The following OSBPL1A variants were observed in gnomAD, a reference collection of about 807,000 sequenced individuals.
OSBPL1A encodes oxysterol binding protein like 1A.
In OSBPL1A, 80 loss-of-function variants were observed where a neutral mutation model predicts 137.1. That is an observed-to-expected ratio of 0.58 (90% confidence interval 0.49 to 0.70). The LOEUF (loss-of-function observed/expected upper bound fraction) is 0.70, where lower values mean the gene tolerates loss of function less well. OSBPL1A is among the 30% of genes least tolerant of loss of function. OSBPL1A has a pLI of 0.00. For synonymous variants in OSBPL1A, 365 were observed against 389.7 expected (o/e 0.94, Z 0.75); for missense variants, 970 against 1,129.4 (o/e 0.86, Z 2.02).
intron 17 of OSBPL1A, among the ~76,000 whole-genome samples, chr18:24,220,129 G>GTGTC (rs1159448210): frequency 6.6e-6 from 1 of 152,204 alleles, no homozygotes; most frequent in Non-Finnish European, 1.5e-5. Context: ...TCTGTTCCAG[G>GTGTC]TGTCCAATCT....
At chr18:24,182,722 C>T (rs946192899) in intron 18 of OSBPL1A, among the ~76,000 whole-genome samples, 1 of 152,052 alleles carries the variant, frequency 6.6e-6, no homozygotes, top group Non-Finnish European at 1.5e-5. Flanking sequence ...TGAGGGAAAA[C>T]AGGAATGTAT....
intron 7 of OSBPL1A, among the ~76,000 whole-genome samples, chr18:24,323,351 G>A (rs1299924058): frequency 6.6e-6 from 1 of 151,152 alleles, no homozygotes; most frequent in African/African-American, 2.4e-5. Context: ...CCAGCAGTTC[G>A]AGACCAGCCC....
chr18:24,321,696 C>T (rs751981145), intron 7 of OSBPL1A: 2 of 524,328 alleles, frequency 3.8e-6, no homozygotes, highest in Non-Finnish European at 7.8e-6. Context: ...CTTCTCTTTC[C>T]AGTTCTTCCC....
chr18:24,292,239 A>AT lies in OSBPL1A; in HGVS notation c.1175-11292_1175-11291insA, dbSNP rs775657826. 9.2e-5 allele frequency among the ~76,000 whole-genome samples: 14 copies of AT among 152,228 alleles called. 1 individual carries two copies. Among genetic ancestry groups the AT allele is most frequent in the Admixed American group, 3.3e-4 (5 of 15,276 alleles). On this transcript the variant is annotated intron_variant, in intron 14 of 27. Transcript: ENST00000319481. ...GACCCCCAATGAAAGAATTACTCAA[A>AT]GATTTGCCTCAGAAAATAAAACAGA...
chr18:24,296,497 T>C (rs1227548079), intron 14 of OSBPL1A, among the ~76,000 whole-genome samples: 1 of 152,184 alleles, frequency 6.6e-6, no homozygotes, highest in Non-Finnish European at 1.5e-5. Flanking sequence ...CCTTTATTTC[T>C]TTCTCTTAAC....
chr18:24,278,987 G>A (rs989157489), intron 15 of OSBPL1A, among the ~76,000 whole-genome samples: 3 of 152,110 alleles, frequency 2.0e-5, no homozygotes, highest in Non-Finnish European at 4.4e-5. Flanking sequence ...ATGTTTTCCT[G>A]TGATAGTTAA....
rs747102403 is a variant in OSBPL1A at position 24,312,056 on chromosome 18, AC to A, written c.1019del (p.Cys340PhefsTer6). 6.8e-6 allele frequency: 11 copies of A among 1,613,984 alleles called. No individual in the cohort carries two copies. Among genetic ancestry groups the A allele is most frequent in the Admixed American group, 3.3e-5 (2 of 59,992 alleles). ...EEHSAYSTHY[C>X]SQDQLTDEEE... ...CCTCATCAGTCAGCTGGTCCTGGGAACAGTAGTGAGTGCTGTAAGCAGAATG... is the reference window on the plus strand; with the variant it reads ...CCTCATCAGTCAGCTGGTCCTGGGAAAGTAGTGAGTGCTGTAAGCAGAATG... On this transcript the variant is annotated frameshift_variant, in exon 13 of 28. Coordinates refer to ENST00000319481, the MANE Select transcript of OSBPL1A (RefSeq NM_080597.4). LOFTEE classifies it high-confidence loss of function.
At chr18:24,274,985 T>C (rs1432525107) in intron 15 of OSBPL1A, among the ~76,000 whole-genome samples, 2 of 151,418 alleles carry the variant, frequency 1.3e-5, no homozygotes, top group Non-Finnish European at 2.9e-5. Context: ...GGCGGCACTG[T>C]GGAAGCCACA....
In OSBPL1A at chr18:24,223,924, A is replaced by C. The variant is rs145572878; in HGVS notation, c.1601+1118T>G. 4.1e-4 allele frequency among the ~76,000 whole-genome samples: 62 copies of C among 152,300 alleles called. No homozygotes were observed. The East Asian group carries it at 0.011, about 27-fold the overall frequency. The stretch of plus-strand genomic sequence containing the variant: ...TCTTTAGAGATTGGTAGGTCTGCCA[A>C]GTTTACTGTTAAGTATTTCATGTCT... On this transcript the variant is annotated intron_variant, in intron 17 of 27. Coordinates refer to ENST00000319481, the MANE Select transcript of OSBPL1A (RefSeq NM_080597.4).
At chr18:24,165,968 G>A (rs1331488692) in intron 26 of OSBPL1A, among the ~76,000 whole-genome samples, 3 of 152,104 alleles carry the variant, frequency 2.0e-5, no homozygotes, top group East Asian at 1.9e-4. Flanking sequence ...GTGGTGGCAC[G>A]TGCCTGTAGT....
chr18:24,349,822 A>C (rs1391702776), intron 4 of OSBPL1A, among the ~76,000 whole-genome samples: 5 of 152,040 alleles, frequency 3.3e-5, no homozygotes, highest in Non-Finnish European at 7.4e-5. Context: ...AGTTCAGCTG[A>C]CACCTTAATT....
chr18:24,360,879 C>T (rs1007718411), intron 4 of OSBPL1A, among the ~76,000 whole-genome samples: 11 of 152,048 alleles, frequency 7.2e-5, no homozygotes, highest in South Asian at 2.1e-4. Context: ...CCTGAGCTGC[C>T]GGGATAGGTT....
At chr18:24,189,656 C>A (rs939694572) in intron 18 of OSBPL1A, among the ~76,000 whole-genome samples, 1 of 152,112 alleles carries the variant, frequency 6.6e-6, no homozygotes, top group Non-Finnish European at 1.5e-5. Flanking sequence ...CTGCTCAGTT[C>A]CCCCCGCTCC....
At chr18:24,177,875 T>C (rs1266029266) in intron 21 of OSBPL1A, 138 bp downstream of exon 21, 3 of 710,218 alleles carry the variant, frequency 4.2e-6, no homozygotes, top group Non-Finnish European at 6.5e-6. Flanking sequence ...TTCTTTTACA[T>C]AGACGTAGAC....
At chr18:24,196,011 C>T (rs113360597) in intron 18 of OSBPL1A, 114 bp downstream of exon 18, 7 of 797,720 alleles carry the variant, frequency 8.8e-6, no homozygotes, top group South Asian at 4.8e-5. Context: ...GATTCTCGTA[C>T]GTTCCCATAA....
chr18:24,325,785 T>G (rs1390933072), intron 7 of OSBPL1A, among the ~76,000 whole-genome samples: 1 of 152,220 alleles, frequency 6.6e-6, no homozygotes, highest in East Asian at 1.9e-4. Flanking sequence ...TGAATGAATG[T>G]GATTAAACTG....
At chr18:24,221,840 CT>C (rs369689369) in intron 17 of OSBPL1A, among the ~76,000 whole-genome samples, 7 of 152,160 alleles carry the variant, frequency 4.6e-5, no homozygotes, top group South Asian at 2.1e-4. Context: ...AGGTATGTGA[CT>C]TTTTTAAAGC....
At chr18:24,359,376 C>G (rs1222975232) in intron 4 of OSBPL1A, among the ~76,000 whole-genome samples, 1 of 151,990 alleles carries the variant, frequency 6.6e-6, no homozygotes, top group Non-Finnish European at 1.5e-5. Context: ...GTGTGAGCCA[C>G]TACACCCGGC....
intron 16 of OSBPL1A, among the ~76,000 whole-genome samples, chr18:24,230,720 C>T (rs2088245206): frequency 6.6e-6 from 1 of 151,616 alleles, no homozygotes. Context: ...GTTTCTATAA[C>T]AGGCAAAACC....
Sources: allele counts gnomAD v4.1 joint callset (sites outside exome capture counted in the v4.1 genomes callset), GRCh38; gene constraint gnomAD v4.1.1; transcripts MANE v1.5; gene names NCBI Gene and HGNC (gene_info 2026-07-23, HGNC 2026-07-21).